DMD: variants seen among roughly 807,000 people sequenced by gnomAD.
DMD encodes the protein mutant dystrophin.
In DMD, 63 loss-of-function variants were observed where a neutral mutation model predicts 330.1. That is an observed-to-expected ratio of 0.19 (90% CI 0.16 to 0.24). DMD has a LOEUF of 0.24. Among genes scored for constraint, DMD ranks in the 10% least tolerant of loss-of-function variants. The pLI, the probability that DMD is intolerant of heterozygous loss-of-function variation, is 1.00. For missense variants in DMD, 3,344 were observed against 2,684.1 expected, an observed-to-expected ratio of 1.25 and a Z score of -5.43; for synonymous variants, 1,223 against 959.8, an observed-to-expected ratio of 1.27 and a Z score of -5.07.
chrX:32,897,896 A>T (rs1336577578), intron 2 of DMD, among the ~76,000 whole-genome samples: 1 of 112,087 alleles, frequency 8.9e-6, no homozygotes, highest in Non-Finnish European at 1.9e-5. Context: ...GTATTCTGCC[A>T]AAATAAAGGG....
chrX:32,739,824 C>T (rs748498326), intron 7 of DMD, among the ~76,000 whole-genome samples: 3 of 110,491 alleles, frequency 2.7e-5, no homozygotes, highest in East Asian at 5.8e-4. Context: ...GAAGTGCAAC[C>T]GCTCTGGCTG....
At chrX:32,303,692 C>A (rs964839019) in intron 42 of DMD, among the ~76,000 whole-genome samples, 3 of 110,257 alleles carry the variant, frequency 2.7e-5, no homozygotes, top group African/African-American at 9.9e-5. Context: ...GTTGTGACAG[C>A]GGCCGTTGGG....
intron 44 of DMD, among the ~76,000 whole-genome samples, chrX:31,987,071 T>A (rs982893243): frequency 2.2e-4 from 25 of 112,308 alleles, no homozygotes; most frequent in African/African-American, 7.8e-4. Context: ...CTGTTTACCA[T>A]CTAGCTGTAG....
Position 31,126,658 on chromosome X carries a change from C to A in DMD, c.11030G>T (p.Gly3677Val). 8.3e-7 allele frequency: 1 copy of A among 1,200,693 alleles called. No homozygotes were observed. The highest frequency in any genetic ancestry group is 1.8e-5 in the South Asian group (1 of 56,609). The change falls in exon 78 of 79, where the codon GGA becomes GTA. Residue 3677 changes from glycine (G) to valine (V), a missense_variant. By Grantham distance (109) the Gly-to-Val change is moderately radical. Coordinates refer to ENST00000357033, the MANE Select transcript of DMD (RefSeq NM_004006.3). The part of the protein sequence containing the change: ...FPSSRGRNTP[G>V]KPMREDTM The stretch of plus-strand genomic sequence containing the variant: ...CTCACTAACCTCTCTCATTGGCTTT[C>A]CAGGGGTATTTCTTCCTTTAATAAT...
chrX:31,185,593 C>T (rs2041685275), intron 67 of DMD, among the ~76,000 whole-genome samples: 1 of 111,604 alleles, frequency 9.0e-6, no homozygotes, highest in Non-Finnish European at 1.9e-5. Flanking sequence ...AGATATTTTT[C>T]AATGTTGTTT....
At chrX:31,990,019 G>A (rs1461810829) in intron 44 of DMD, among the ~76,000 whole-genome samples, 1 of 111,134 alleles carries the variant, frequency 9.0e-6, no homozygotes, top group African/African-American at 3.3e-5. Context: ...AATCTTAGGG[G>A]AACATTCATA....
intron 54 of DMD, among the ~76,000 whole-genome samples, chrX:31,632,669 A>G (rs928663493): frequency 8.9e-6 from 1 of 111,869 alleles, no homozygotes; most frequent in South Asian, 3.7e-4. Context: ...GAGAGACCTT[A>G]GTAGCACCTG....
rs775808535 is a variant in DMD, at chrX:32,713,479, C to G, written c.650-14186G>C. 3.3e-3 allele frequency among the ~76,000 whole-genome samples: 363 copies of G among 111,603 alleles called. 1 individual carries two copies. Among genetic ancestry groups the G allele is most frequent in the Non-Finnish European group, 5.3e-3 (283 of 53,118 alleles). ...TAATGTAGTATCTGAGTTCTACCAACAACTACATTCCCTCCATTGGTGCAG... is the reference window on the plus strand; with the variant it reads ...TAATGTAGTATCTGAGTTCTACCAAGAACTACATTCCCTCCATTGGTGCAG... On this transcript the variant is annotated intron_variant, in intron 7 of 78. Coordinates refer to ENST00000357033, the MANE Select transcript of DMD (RefSeq NM_004006.3).
intron 2 of DMD, among the ~76,000 whole-genome samples, chrX:32,939,159 C>T (rs748206538): frequency 6.5e-5 from 7 of 107,227 alleles, no homozygotes; most frequent in African/African-American, 2.4e-4. Flanking sequence ...TCTTTTTGTT[C>T]TAATAGTGTA....
At chrX:31,712,294 A>T (rs6527113) in intron 52 of DMD, among the ~76,000 whole-genome samples, 16,894 of 110,384 alleles carry the variant, frequency 0.15, 1,157 homozygotes, top group Admixed American at 0.32. Flanking sequence ...CAACCTACTA[A>T]GTTATAGTTA....
chrX:32,752,577 G>C (rs1569509174), intron 7 of DMD, among the ~76,000 whole-genome samples: 1 of 105,629 alleles, frequency 9.5e-6, no homozygotes, highest in Non-Finnish European at 1.9e-5. Context: ...GTGGAGTTTT[G>C]AGTTAATGAG....
intron 62 of DMD, among the ~76,000 whole-genome samples, chrX:31,262,104 G>A (rs2050580267): frequency 8.9e-6 from 1 of 112,676 alleles, no homozygotes; most frequent in South Asian, 3.7e-4. Context: ...TTAGGGCTCT[G>A]CGCCCTACTG....
At chrX:31,969,245 C>G (rs1176518520) in intron 44 of DMD, among the ~76,000 whole-genome samples, 29 of 111,039 alleles carry the variant, frequency 2.6e-4, no homozygotes, top group African/African-American at 8.8e-4. Flanking sequence ...AGAAAAATAG[C>G]TCAATTGAAA....
At chrX:32,120,903 C>G (rs191767564) in intron 44 of DMD, among the ~76,000 whole-genome samples, 27 of 112,376 alleles carry the variant, frequency 2.4e-4, no homozygotes, top group African/African-American at 6.8e-4. Flanking sequence ...GATTTACTGA[C>G]CTGTCACAGA....
chrX:32,668,099 A>C (rs2147166275), intron 9 of DMD, among the ~76,000 whole-genome samples: 1 of 110,701 alleles, frequency 9.0e-6, no homozygotes, highest in South Asian at 3.9e-4. Flanking sequence ...CAGTGAGCCG[A>C]GATTGTGCCA....
chrX:32,491,207 C>T, intron 20 of DMD, 70 bp downstream of exon 20: 1 of 1,153,058 alleles, frequency 8.7e-7, no homozygotes, highest in Admixed American at 2.2e-5. Flanking sequence ...TAATTTGTTA[C>T]TGTCTTCTTG....
chrX:31,873,648 C>T lies in DMD; in HGVS notation c.7098+1540G>A, dbSNP rs754524771. Among the ~76,000 whole-genome samples the T allele has an allele frequency of 8.9e-5, 10 of 112,002 alleles. No homozygotes were observed. The South Asian group carries it at 1.5e-3, about 16-fold the overall frequency. The stretch of plus-strand genomic sequence containing the variant: ...ATTCATTAATAGATTGTAATTTCAA[C>T]GATTCGGTTTATTTGATTGGCTACT... On this transcript the variant is annotated intron_variant, in intron 48 of 78. Transcript: ENST00000357033.
intron 11 of DMD, among the ~76,000 whole-genome samples, chrX:32,626,891 G>T (rs2146538982): frequency 9.5e-6 from 1 of 105,447 alleles, no homozygotes; most frequent in Non-Finnish European, 1.9e-5. Context: ...TTGAGGTAAT[G>T]TTTAAGTCCG....
At chrX:33,300,037 C>T (rs899109824) in intron 1 of DMD, among the ~76,000 whole-genome samples, 2 of 112,010 alleles carry the variant, frequency 1.8e-5, no homozygotes, top group Non-Finnish European at 1.9e-5. Context: ...GTTGTGGTCA[C>T]GCCTTAGCAA....
Sources: allele counts gnomAD v4.1 joint callset (sites outside exome capture counted in the v4.1 genomes callset), GRCh38; gene constraint gnomAD v4.1.1; transcripts MANE v1.5; gene names NCBI Gene and HGNC (gene_info 2026-07-23, HGNC 2026-07-21).